The following NTRK2 variants were observed in gnomAD, a reference collection of about 807,000 sequenced individuals.
NTRK2 encodes the protein BDNF/NT-3 growth factors receptor.
Under a neutral mutation model 94.5 loss-of-function variants are expected in NTRK2, and 13 were observed. The observed-to-expected ratio is 0.14, with a 90% CI of 0.09 to 0.22. NTRK2 has a LOEUF of 0.22. Ranked by LOEUF, NTRK2 falls within the 10% of genes least tolerant of loss-of-function variation. NTRK2 has a pLI of 1.00. For missense variants in NTRK2, 639 were observed against 1,071.2 expected (o/e 0.60, Z 5.63); for synonymous variants, 372 against 407.4 (o/e 0.91, Z 1.05).
At chr9:84,801,205 T>C (rs1420185592) in intron 12 of NTRK2, among the ~76,000 whole-genome samples, 2 of 152,146 alleles carry the variant, frequency 1.3e-5, no homozygotes, top group East Asian at 3.9e-4. Flanking sequence ...AGAGGTCCCC[T>C]CACTTGGCCA....
intron 2 of NTRK2, among the ~76,000 whole-genome samples, chr9:84,680,145 G>A (rs759635410): frequency 2.0e-5 from 3 of 152,072 alleles, no homozygotes; most frequent in African/African-American, 4.8e-5. Flanking sequence ...CATGTGGGTG[G>A]GCTGCCATCA....
intron 17 of NTRK2, among the ~76,000 whole-genome samples, chr9:84,967,365 T>C (rs1333350234): frequency 6.6e-6 from 1 of 152,194 alleles, no homozygotes; most frequent in Admixed American, 6.5e-5. Flanking sequence ...TGTGTATCTG[T>C]GTGGGTGATG....
At chr9:84,694,543 C>T (rs1008654275) in intron 2 of NTRK2, among the ~76,000 whole-genome samples, 4 of 152,208 alleles carry the variant, frequency 2.6e-5, no homozygotes, top group East Asian at 1.9e-4. Context: ...TCTGATCTTC[C>T]GTATCACCTG....
At chr9:84,799,939 A>G (rs1207255401) in intron 12 of NTRK2, among the ~76,000 whole-genome samples, 4 of 152,252 alleles carry the variant, frequency 2.6e-5, no homozygotes, top group Non-Finnish European at 5.9e-5. Flanking sequence ...GTTTATAATT[A>G]TATAGTAAAA....
At chr9:84,973,407 A>G (rs1826418455) in intron 17 of NTRK2, among the ~76,000 whole-genome samples, 1 of 152,208 alleles carries the variant, frequency 6.6e-6, no homozygotes, top group African/African-American at 2.4e-5. Context: ...ATTCAGTACC[A>G]GAACACCTAA....
chr9:84,900,657 T>A (rs367954313), intron 14 of NTRK2, among the ~76,000 whole-genome samples: 44 of 152,242 alleles, frequency 2.9e-4, no homozygotes, highest in African/African-American at 1.0e-3. Context: ...CACTTGTGAG[T>A]CTAACTGTAA....
At chr9:84,671,032 T>C in intron 2 of NTRK2, 72 bp downstream of exon 2, 1 of 1,373,174 alleles carries the variant, frequency 7.3e-7, no homozygotes, top group South Asian at 1.2e-5. Context: ...GGGTAGGTCC[T>C]GGAAGTGAAT....
At chr9:84,826,574 T>G (rs534209624) in intron 12 of NTRK2, among the ~76,000 whole-genome samples, 1 of 152,224 alleles carries the variant, frequency 6.6e-6, no homozygotes, top group Admixed American at 6.5e-5. Flanking sequence ...GATAGCACAA[T>G]GGAAGGTACA....
rs1332326433 is a variant in NTRK2, at chr9:84,727,636, C to G, written c.854-18C>G. On this transcript the variant is annotated intron_variant, in intron 8 of 18. Transcript: ENST00000277120. ...TCTGAGCTTTCTGATGCTATTAACT[C>G]TCTCTTTTTCAATTTAGTTGCACCA... 1 of 1,611,032 alleles carries G rather than the reference C, an allele frequency of 6.2e-7. No individual in the cohort carries two copies. Among genetic ancestry groups the G allele is most frequent in the South Asian group, 1.1e-5 (1 of 90,908 alleles).
intron 12 of NTRK2, among the ~76,000 whole-genome samples, chr9:84,855,586 T>A (rs2075027341): frequency 6.6e-6 from 1 of 152,016 alleles, no homozygotes; most frequent in East Asian, 1.9e-4. Context: ...AGCATATTTT[T>A]TTTTTTTTTT....
chr9:84,792,867 A>G (rs1411125900), intron 12 of NTRK2, among the ~76,000 whole-genome samples: 1 of 152,242 alleles, frequency 6.6e-6, no homozygotes, highest in African/African-American at 2.4e-5. Context: ...TAGTCACACT[A>G]TAAAATAGAT....
At chr9:84,674,879 C>T (rs2058936339) in intron 2 of NTRK2, among the ~76,000 whole-genome samples, 1 of 152,120 alleles carries the variant, frequency 6.6e-6, no homozygotes, top group Non-Finnish European at 1.5e-5. Flanking sequence ...TACTTTCTTC[C>T]ACCTCCCCTT....
chr9:84,814,671 A>G, intron 12 of NTRK2: 1 of 1,065,168 alleles, frequency 9.4e-7, no homozygotes, highest in South Asian at 4.5e-5. Context: ...TTTGAATCTG[A>G]TTCCTTCACA....
chr9:84,864,422 A>G (rs7021820), intron 13 of NTRK2, among the ~76,000 whole-genome samples: 44,370 of 152,002 alleles, frequency 0.29, 7,593 homozygotes, highest in African/African-American at 0.47. Flanking sequence ...TGGGTGATGA[A>G]TGCACCAAAA....
At chr9:84,711,068 T>C (rs2061391024) in intron 6 of NTRK2, among the ~76,000 whole-genome samples, 1 of 152,244 alleles carries the variant, frequency 6.6e-6, no homozygotes, top group South Asian at 2.1e-4. Context: ...TGTTTTTCCA[T>C]CTATCCATCC....
At chr9:84,699,656 T>C (rs1038054773) in intron 2 of NTRK2, among the ~76,000 whole-genome samples, 1 of 148,364 alleles carries the variant, frequency 6.7e-6, no homozygotes, top group African/African-American at 2.5e-5. Flanking sequence ...ATTAAGCTTA[T>C]GTGTGTGTTT....
intron 14 of NTRK2, among the ~76,000 whole-genome samples, chr9:84,909,595 G>A (rs1013253237): frequency 2.0e-5 from 3 of 151,866 alleles, no homozygotes; most frequent in African/African-American, 7.3e-5. Context: ...CTGTCATTTG[G>A]TGTTGTCATT....
intron 14 of NTRK2, among the ~76,000 whole-genome samples, chr9:84,902,358 G>A (rs1306412399): frequency 6.6e-6 from 1 of 152,080 alleles, no homozygotes; most frequent in African/African-American, 2.4e-5. Context: ...CCCCATGCAT[G>A]CTGTAAGAAT....
intron 6 of NTRK2, among the ~76,000 whole-genome samples, chr9:84,712,369 G>C (rs1434998208): frequency 6.6e-6 from 1 of 152,160 alleles, no homozygotes; most frequent in East Asian, 1.9e-4. Flanking sequence ...TTCCTAAACA[G>C]TTTGTCAATT....
Sources: gnomAD v4.1 joint callset for allele counts (sites outside exome capture counted in the v4.1 genomes callset) on GRCh38, gnomAD v4.1.1 for gene constraint, MANE v1.5 for transcripts, NCBI Gene and HGNC (gene_info 2026-07-23, HGNC 2026-07-21) for gene names.